The following RASA3 variants were observed in gnomAD, a reference collection of about 807,000 sequenced individuals.
RASA3 encodes the protein ras GTPase-activating protein 3.
A neutral mutation model predicts 110.0 loss-of-function variants in RASA3; 73 were observed. The observed-to-expected ratio is 0.66, with a 90% CI of 0.55 to 0.81. RASA3 has a LOEUF of 0.81. RASA3 is among the 30% of genes least tolerant of loss of function. The probability of loss-of-function intolerance (pLI) is 0.00; values close to 1 mark genes in which losing one functional copy is unlikely to be tolerated. For missense variants in RASA3, 976 were observed against 1,113.2 expected, an observed-to-expected ratio of 0.88 and a Z score of 1.75; for synonymous variants, 500 against 451.4, an observed-to-expected ratio of 1.11 and a Z score of -1.37.
chr13:114,090,977 CA>C (rs1306692980), intron 1 of RASA3, among the ~76,000 whole-genome samples: 1 of 151,978 alleles, frequency 6.6e-6, no homozygotes, highest in East Asian at 1.9e-4. Flanking sequence ...TCAGTAATAC[CA>C]GAAATGCATG....
chr13:114,107,543 C>T, intron 1 of RASA3: 1 of 152,648 alleles, frequency 6.6e-6, no homozygotes, highest in Non-Finnish European at 1.5e-5. Context: ...CCCTCATGAC[C>T]CAGGCAGGCG....
Position 113,996,649 on chromosome 13 carries a change from C to G in RASA3, c.2023G>C (p.Val675Leu), listed in dbSNP as rs765012842. ...AKDWIDILTK[V>L]SQCNQKRLTV... ...AGGCGCTTCTGGTTGCACTGGCTCACTTTGGTGAGAATGTCGATCCAGTCC... is the reference window on the plus strand; with the variant it reads ...AGGCGCTTCTGGTTGCACTGGCTCAGTTTGGTGAGAATGTCGATCCAGTCC... The change falls in exon 21 of 24, where the codon GTG becomes CTG. Residue 675 changes from valine (V) to leucine (L), a missense_variant. By Grantham distance (32) the Val-to-Leu change is conservative (BLOSUM62 1). This residue lies in a region of RASA3 where 109 missense variants were observed against 162.5 expected (regional missense o/e 0.67). Transcript: ENST00000334062. 2.5e-6 allele frequency: 4 copies of G among 1,613,700 alleles called. No homozygotes were observed. The African/African-American group carries it at 5.3e-5, about 22-fold the overall frequency.
intron 4 of RASA3, among the ~76,000 whole-genome samples, chr13:114,032,172 G>C (rs1342152550): frequency 2.6e-5 from 4 of 152,054 alleles, no homozygotes; most frequent in Non-Finnish European, 4.4e-5. Context: ...TCACCAAACA[G>C]ATCTACCAAC....
chr13:114,007,259 C>A (rs571576763), intron 18 of RASA3, among the ~76,000 whole-genome samples: 1 of 11,404 alleles, frequency 8.8e-5, no homozygotes, highest in Non-Finnish European at 1.8e-4. Flanking sequence ...CCTTCTCCCC[C>A]CTCCTGCCCT....
At chr13:114,024,984 C>T (rs2054001243) in intron 7 of RASA3, among the ~76,000 whole-genome samples, 1 of 152,222 alleles carries the variant, frequency 6.6e-6, no homozygotes, top group Non-Finnish European at 1.5e-5. Context: ...CCAGCAGGGC[C>T]CTTGCAGCAG....
At chr13:114,100,418 C>T (rs1041446201) in intron 1 of RASA3, among the ~76,000 whole-genome samples, 1 of 152,194 alleles carries the variant, frequency 6.6e-6, no homozygotes, top group Non-Finnish European at 1.5e-5. Flanking sequence ...AGCACTTGGT[C>T]AGCGTGGCCT....
In RASA3 at chr13:114,014,126, GTCTC is replaced by G. The variant is rs768608216; in HGVS notation, c.1406-882_1406-879del. On this transcript the variant is annotated intron_variant, in intron 14 of 23. Coordinates refer to ENST00000334062, the MANE Select transcript of RASA3 (RefSeq NM_007368.4). This position sits in a 1 kb window ranked among gnomAD's most constrained non-coding sequence, Gnocchi z 4.5. ...TCCCTGTCTCTCTCTCTCTCTCCTT[GTCTC>G]TCTCTGTCTCTCTCCTTCTGTCTCT... Among the ~76,000 whole-genome samples, 159 of 139,118 alleles carry G rather than the reference GTCTC, an allele frequency of 1.1e-3. No homozygotes were observed. The highest frequency in any genetic ancestry group is 1.7e-3 in the South Asian group (7 of 4,182). The allele number at this position is 139,118 out of a possible 152,430, so 91.3% of individuals were successfully genotyped here. A position where few individuals can be genotyped will look rare whatever the true frequency, so the allele number is the denominator to read the frequency against.
intron 1 of RASA3, among the ~76,000 whole-genome samples, chr13:114,075,443 A>ACACCTCCCGTGTCGGCGC (rs1594428194): frequency 6.6e-6 from 1 of 152,154 alleles, no homozygotes; most frequent in African/African-American, 2.4e-5. Context: ...GGTCTGGACA[A>ACACCTCCCGTGTCGGCGC]CGCCTCCCGT....
Position 114,132,434 on chromosome 13 carries a change from C to T in RASA3, c.55+1G>A. The stretch of plus-strand genomic sequence containing the variant: ...ACGCGTGGCTGCCGGCGGACACTCA[C>T]CGATCTTGATCTTCACGCTCTGGAA... On this transcript the variant is annotated splice_donor_variant, in intron 1 of 23. Transcript: ENST00000334062. LOFTEE classifies it high-confidence loss of function. 2 of 1,527,194 alleles carry T rather than the reference C, an allele frequency of 1.3e-6. No individual in the cohort carries two copies. The highest frequency in any genetic ancestry group is 2.7e-5 in the East Asian group (1 of 36,830). 94.6% of individuals were successfully genotyped at this position (1,527,194 alleles called of 1,614,324 possible).
At chr13:114,104,623 A>G (rs1237348737) in intron 1 of RASA3, among the ~76,000 whole-genome samples, 1 of 152,176 alleles carries the variant, frequency 6.6e-6, no homozygotes, top group Admixed American at 6.5e-5. Context: ...CCCCGTGGAG[A>G]ACCACAGCCA....
intron 18 of RASA3, among the ~76,000 whole-genome samples, chr13:114,001,316 G>A (rs547810733): frequency 3.3e-5 from 5 of 149,606 alleles, no homozygotes; most frequent in East Asian, 2.0e-4. Context: ...GAGGACCTGC[G>A]GCCGCGGACC....
chr13:114,125,221 C>T (rs185845819), intron 1 of RASA3, among the ~76,000 whole-genome samples: 2 of 152,278 alleles, frequency 1.3e-5, no homozygotes, highest in Admixed American at 6.5e-5. Flanking sequence ...ACATAATCAC[C>T]GTTTCAGTTG....
intron 1 of RASA3, among the ~76,000 whole-genome samples, chr13:114,130,669 G>C (rs1007776364): frequency 1.3e-5 from 2 of 152,220 alleles, no homozygotes; most frequent in Non-Finnish European, 2.9e-5. Context: ...CATGCCTTCT[G>C]TAAAGTCCTG....
chr13:114,105,755 A>G (rs2080125642), intron 1 of RASA3, among the ~76,000 whole-genome samples: 1 of 152,264 alleles, frequency 6.6e-6, no homozygotes, highest in African/African-American at 2.4e-5. Flanking sequence ...ACACCTGACC[A>G]TGACGGCATA....
In RASA3 at chr13:114,018,873, C is replaced by A; in HGVS notation, c.832G>T (p.Asp278Tyr). The change falls in exon 10 of 24, where the codon GAC becomes TAC. Residue 278 changes from aspartate to tyrosine, a missense_variant. Around this residue, in one of 4 missense-constraint regions of RASA3, gnomAD observed 732 missense variants for 779.7 expected, o/e 0.94. Coordinates refer to ENST00000334062, the MANE Select transcript of RASA3 (RefSeq NM_007368.4). The stretch of plus-strand genomic sequence containing the variant: ...TTCAGCCGCAGGGAGCCCAGGTCGT[C>A]TGGCTTTAGGCTCTTGCTACCATTG... Reference protein sequence around the residue: ...RDNGSKSLKPDDLGSLRLNVV... With the variant: ...RDNGSKSLKPYDLGSLRLNVV... 6.2e-7 allele frequency: 1 copy of A among 1,613,942 alleles called. No individual in the cohort carries two copies. Among genetic ancestry groups the A allele is most frequent in the Non-Finnish European group, 8.5e-7 (1 of 1,179,994 alleles).
rs927333047 is a variant in RASA3, at chr13:114,112,460, G to A, written c.55+19975C>T. Reference sequence around the variant, plus strand: ...GGAAGAGAATCACACTCTTTAGACCGGGGTCTCAGATTTCAGCCGGACGGG... The same window carrying A: ...GGAAGAGAATCACACTCTTTAGACCAGGGTCTCAGATTTCAGCCGGACGGG... On this transcript the variant is annotated intron_variant, in intron 1 of 23. Transcript: ENST00000334062. This position sits in a 1 kb window ranked among gnomAD's most constrained non-coding sequence, Gnocchi z 4.8. Among the ~76,000 whole-genome samples the A allele has an allele frequency of 2.0e-5, 3 of 152,142 alleles. No homozygotes were observed. The highest frequency in any genetic ancestry group is 4.4e-5 in the Non-Finnish European group (3 of 68,030).
chr13:114,057,182 T>C lies in RASA3; in HGVS notation c.174-5027A>G. 1.0e-6 allele frequency: 1 copy of C among 980,666 alleles called. No individual in the cohort carries two copies. The highest frequency in any genetic ancestry group is 1.2e-6 in the Non-Finnish European group (1 of 825,804). 60.7% of individuals were successfully genotyped at this position (980,666 alleles called of 1,614,324 possible). A position where few individuals can be genotyped will look rare whatever the true frequency, so the allele number is the denominator to read the frequency against. ...CCAATTGCCTATTTTAATGTTTTTCTTCTTATTTCATATAACTTTTTAAAC... is the reference window on the plus strand; with the variant it reads ...CCAATTGCCTATTTTAATGTTTTTCCTCTTATTTCATATAACTTTTTAAAC... On this transcript the variant is annotated intron_variant, in intron 2 of 23. Coordinates refer to ENST00000334062, the MANE Select transcript of RASA3 (RefSeq NM_007368.4). This position sits in a 1 kb window ranked among gnomAD's most constrained non-coding sequence, Gnocchi z 5.0.
Position 114,096,365 on chromosome 13 carries a change from G to A in RASA3, c.56-22528C>T, listed in dbSNP as rs949994794. Among the ~76,000 whole-genome samples the A allele has an allele frequency of 3.3e-5, 5 of 152,204 alleles. No homozygotes were observed. The highest frequency in any genetic ancestry group is 2.1e-4 in the South Asian group (1 of 4,826). ...CAGTCACCTCAACAGCATCTCAGCCGTTGTCCGACACTGGGTGATTCTGCA... is the reference window on the plus strand; with the variant it reads ...CAGTCACCTCAACAGCATCTCAGCCATTGTCCGACACTGGGTGATTCTGCA... On this transcript the variant is annotated intron_variant, in intron 1 of 23. Coordinates refer to ENST00000334062, the MANE Select transcript of RASA3 (RefSeq NM_007368.4). This position sits in a 1 kb window ranked among gnomAD's most constrained non-coding sequence, Gnocchi z 5.1.
intron 22 of RASA3, among the ~76,000 whole-genome samples, chr13:113,991,274 G>A (rs919186269): frequency 6.6e-6 from 1 of 151,808 alleles, no homozygotes; most frequent in Admixed American, 6.6e-5. Flanking sequence ...CTGGAGAACA[G>A]GCGTGGCCAA....
Sources: allele counts gnomAD v4.1 joint callset (sites outside exome capture counted in the v4.1 genomes callset), GRCh38; gene constraint gnomAD v4.1.1; regional missense constraint gnomAD v4.1.1; non-coding constraint Gnocchi (gnomAD v3.1); transcripts MANE v1.5; gene names NCBI Gene and HGNC (gene_info 2026-07-23, HGNC 2026-07-21).